PIK3C2G: variants seen among roughly 807,000 people sequenced by gnomAD.
PIK3C2G encodes phosphatidylinositol 3-kinase C2 domain-containing subunit gamma.
Under a neutral mutation model 181.1 loss-of-function variants are expected in PIK3C2G, and 168 were observed. That is an observed-to-expected ratio of 0.93 (90% CI 0.82 to 1.05). The LOEUF (loss-of-function observed/expected upper bound fraction) is 1.05, where lower values mean the gene tolerates loss of function less well. Among genes scored for constraint, PIK3C2G ranks in the 50% least tolerant of loss-of-function variants. The pLI is 0.00. For synonymous variants in PIK3C2G, 573 were observed against 592.2 expected, an observed-to-expected ratio of 0.97 and a Z score of 0.47; for missense variants, 1,869 against 1,732.8, an observed-to-expected ratio of 1.08 and a Z score of -1.40.
intron 18 of PIK3C2G, among the ~76,000 whole-genome samples, chr12:18,441,163 G>C (rs768735082): frequency 6.6e-6 from 1 of 152,088 alleles, no homozygotes; most frequent in Non-Finnish European, 1.5e-5. Context: ...GATCACCTGT[G>C]TCAAATGCTA....
intron 31 of PIK3C2G, among the ~76,000 whole-genome samples, chr12:18,631,166 C>T (rs1949335387): frequency 6.6e-6 from 1 of 151,962 alleles, no homozygotes; most frequent in Non-Finnish European, 1.5e-5. Context: ...GAAGAGGATA[C>T]GATGCTAGTA....
intron 18 of PIK3C2G, among the ~76,000 whole-genome samples, chr12:18,448,213 T>C (rs1947137184): frequency 6.6e-6 from 1 of 152,182 alleles, no homozygotes; most frequent in African/African-American, 2.4e-5. Context: ...TTAATTTGAT[T>C]TCAGTTTGTG....
Position 18,594,364 on chromosome 12 carries a change from TTCTC to T in PIK3C2G, c.4012-126_4012-123del, listed in dbSNP as rs1455704244. 25 of 559,432 alleles carry T rather than the reference TTCTC, an allele frequency of 4.5e-5. No individual in the cohort carries two copies. The East Asian group carries it at 6.9e-4, about 15-fold the overall frequency. The allele number at this position is 559,432 out of a possible 1,614,324, so 34.7% of individuals were successfully genotyped here. A position where few individuals can be genotyped will look rare whatever the true frequency, so the allele number is the denominator to read the frequency against. ...ACTTAATTAACCTTTCTAATATACT[TTCTC>T]TCTATTTGTAGAATCTATAACAGGT... On this transcript the variant is annotated intron_variant, in intron 29 of 32. Coordinates refer to ENST00000538779, the MANE Select transcript of PIK3C2G (RefSeq NM_001288772.2).
chr12:18,583,772 GA>G (rs36079625), intron 29 of PIK3C2G, among the ~76,000 whole-genome samples: 33,919 of 147,140 alleles, frequency 0.23, 3,735 homozygotes, highest in Non-Finnish European at 0.24. Flanking sequence ...TCAAAGATAA[GA>G]AAAAAAAAAA....
intron 18 of PIK3C2G, among the ~76,000 whole-genome samples, chr12:18,432,694 AAT>A (rs1216059373): frequency 6.6e-6 from 1 of 152,200 alleles, no homozygotes; most frequent in Non-Finnish European, 1.5e-5. Context: ...ATCCAAAAGG[AAT>A]ACACTAACAG....
chr12:18,283,778 A>C (rs1291922198), intron 2 of PIK3C2G, among the ~76,000 whole-genome samples: 1 of 152,128 alleles, frequency 6.6e-6, no homozygotes, highest in African/African-American at 2.4e-5. Flanking sequence ...ACAATAGTGT[A>C]ATAACTACTA....
intron 27 of PIK3C2G, among the ~76,000 whole-genome samples, chr12:18,563,101 C>A (rs1945436121): frequency 6.6e-6 from 1 of 152,142 alleles, no homozygotes; most frequent in Admixed American, 6.5e-5. Context: ...TCAAAGAGAA[C>A]AATTCCTGCC....
At chr12:18,655,664 G>A in the PIK3C2G span, among the ~76,000 whole-genome samples, 1 of 151,930 alleles carries the variant, frequency 6.6e-6, no homozygotes, top group Non-Finnish European at 1.5e-5. Flanking sequence ...CGTGTTGGCA[G>A]TATGTACCCT....
At chr12:18,684,919 C>T in the PIK3C2G span, among the ~76,000 whole-genome samples, 1,498 of 152,018 alleles carry the variant, frequency 9.9e-3, 17 homozygotes, top group African/African-American at 0.035. Context: ...TTTCCCCACT[C>T]TTACTAGCAA....
chr12:18,630,792 T>C (rs906534694), intron 31 of PIK3C2G, among the ~76,000 whole-genome samples: 1 of 152,146 alleles, frequency 6.6e-6, no homozygotes, highest in Non-Finnish European at 1.5e-5. Flanking sequence ...GTAATATTAT[T>C]ACCTGGAATT....
intron 18 of PIK3C2G, among the ~76,000 whole-genome samples, chr12:18,427,293 G>A (rs1945871639): frequency 6.6e-6 from 1 of 151,596 alleles, no homozygotes; most frequent in Non-Finnish European, 1.5e-5. Context: ...ATCACCTGAG[G>A]TCAGGAGTCC....
chr12:18,385,225 T>C (rs1177356321), intron 14 of PIK3C2G, among the ~76,000 whole-genome samples: 1 of 152,184 alleles, frequency 6.6e-6, no homozygotes, highest in Non-Finnish European at 1.5e-5. Flanking sequence ...ACTTTTCCGA[T>C]TGTCCTCATT....
intron 31 of PIK3C2G, among the ~76,000 whole-genome samples, chr12:18,625,598 G>T (rs1949062654): frequency 6.6e-6 from 1 of 151,682 alleles, no homozygotes; most frequent in Non-Finnish European, 1.5e-5. Flanking sequence ...TGGATGATCT[G>T]TCCACTAGTG....
chr12:18,677,913 A>G, the PIK3C2G span, among the ~76,000 whole-genome samples: 1 of 152,006 alleles, frequency 6.6e-6, no homozygotes, highest in African/African-American at 2.4e-5. Context: ...ATCCATATTC[A>G]TGTGTGCTTG....
At chr12:18,289,805 C>G in intron 3 of PIK3C2G, among the ~76,000 whole-genome samples, 1 of 152,018 alleles carries the variant, frequency 6.6e-6, no homozygotes, top group East Asian at 1.9e-4. Flanking sequence ...ACAAAAATAG[C>G]TATTAGGTTT....
the PIK3C2G span, chr12:18,719,281 G>A: frequency 1.2e-3 from 543 of 438,388 alleles, no homozygotes; most frequent in Non-Finnish European, 1.9e-3. Context: ...GGATCTTCAA[G>A]ATATGTACAA....
chr12:18,330,397 A>G (rs1357975435), intron 8 of PIK3C2G, among the ~76,000 whole-genome samples: 1 of 152,166 alleles, frequency 6.6e-6, no homozygotes, highest in Non-Finnish European at 1.5e-5. Flanking sequence ...TTTTATATAA[A>G]TGGAATCTCA....
intron 13 of PIK3C2G, among the ~76,000 whole-genome samples, chr12:18,377,401 G>A (rs1361801736): frequency 6.6e-6 from 1 of 152,126 alleles, no homozygotes; most frequent in Non-Finnish European, 1.5e-5. Flanking sequence ...TAGCAGCATA[G>A]TCCTTCTTCT....
intron 16 of PIK3C2G, among the ~76,000 whole-genome samples, chr12:18,413,000 A>T (rs1944957795): frequency 6.6e-6 from 1 of 152,300 alleles, no homozygotes; most frequent in Admixed American, 6.5e-5. Context: ...TTTGAAAATA[A>T]TCATGAAGTT....
Sources: allele counts gnomAD v4.1 joint callset (sites outside exome capture counted in the v4.1 genomes callset), GRCh38; gene constraint gnomAD v4.1.1; transcripts MANE v1.5; gene names NCBI Gene and HGNC (gene_info 2026-07-23, HGNC 2026-07-21).